Variants in SOX5 observed in about 807,000 individuals in gnomAD.
The protein encoded by SOX5 is transcription factor SOX-5.
In SOX5, 9 loss-of-function variants were observed where a neutral mutation model predicts 92.0. The observed-to-expected ratio is 0.10, with a 90% CI of 0.06 to 0.17. The LOEUF is 0.17. SOX5 is among the 10% of genes least tolerant of loss of function. The pLI, the probability that SOX5 is intolerant of heterozygous loss-of-function variation, is 1.00. For synonymous variants in SOX5, 344 were observed against 336.3 expected, an observed-to-expected ratio of 1.02 and a Z score of -0.25; for missense variants, 642 against 944.5, an observed-to-expected ratio of 0.68 and a Z score of 4.20.
chr12:23,603,467 T>TA (rs1566226312), intron 9 of SOX5, among the ~76,000 whole-genome samples: 2 of 92,050 alleles, frequency 2.2e-5, no homozygotes, highest in East Asian at 7.6e-4. Context: ...TATATATATA[T>TA]TTTGCTGGTA....
chr12:23,825,224 A>T lies in SOX5; in HGVS notation c.481+20759T>A, dbSNP rs1215578408. ...AACCCAGGGCCCTGGTGGTATAGGC[A>T]CCCAAGGGAATCTCCTGGTCTGCAG... On this transcript the variant is annotated intron_variant, in intron 3 of 14. Transcript: ENST00000451604. Among the ~76,000 whole-genome samples the T allele has an allele frequency of 2.6e-5, 4 of 152,108 alleles. No homozygotes were observed. In the East Asian group the frequency reaches 7.7e-4, roughly 29 times the overall value.
At chr12:23,745,832 T>C (rs943528440) in intron 4 of SOX5, among the ~76,000 whole-genome samples, 1 of 152,154 alleles carries the variant, frequency 6.6e-6, no homozygotes, top group African/African-American at 2.4e-5. Flanking sequence ...CACATTTTTC[T>C]CCCAAAGTCA....
At chr12:24,014,144 A>T (rs1208503487) in intron 4 of SOX5, among the ~76,000 whole-genome samples, 1 of 152,190 alleles carries the variant, frequency 6.6e-6, no homozygotes, top group Non-Finnish European at 1.5e-5. Flanking sequence ...TGATGAGGAG[A>T]TGAAGCATGG....
At chr12:24,312,263 C>T (rs1949256852) in intron 2 of SOX5, among the ~76,000 whole-genome samples, 2 of 152,134 alleles carry the variant, frequency 1.3e-5, no homozygotes, top group Admixed American at 1.3e-4. Flanking sequence ...TCACCTAGCT[C>T]CCCTCTCAAA....
intron 6 of SOX5, among the ~76,000 whole-genome samples, chr12:23,709,809 C>T (rs145958236): frequency 6.4e-4 from 97 of 152,224 alleles, no homozygotes; most frequent in Middle Eastern, 3.4e-3. Context: ...CTAGTATCAA[C>T]GTAACTTTGA....
chr12:23,982,873 T>G (rs1448191183), intron 4 of SOX5, among the ~76,000 whole-genome samples: 1 of 152,168 alleles, frequency 6.6e-6, no homozygotes, highest in Non-Finnish European at 1.5e-5. Context: ...CACATCTCAA[T>G]TTGGACTAGC....
At chr12:23,628,513 C>T (rs2078125922) in intron 8 of SOX5, among the ~76,000 whole-genome samples, 1 of 152,042 alleles carries the variant, frequency 6.6e-6, no homozygotes, top group African/African-American at 2.4e-5. Context: ...TTGTAATTTT[C>T]ATGTTAGAGG....
chr12:23,909,798 T>C (rs1205187777), intron 1 of SOX5, among the ~76,000 whole-genome samples: 1 of 150,924 alleles, frequency 6.6e-6, no homozygotes, highest in African/African-American at 2.4e-5. Flanking sequence ...ATTGCTGTTT[T>C]CTTTTTTTTT....
rs543791892 is a variant in SOX5, at chr12:23,542,191, G to A, written c.1771+1020C>T. On this transcript the variant is annotated intron_variant, in intron 13 of 14. Coordinates refer to ENST00000451604, the MANE Select transcript of SOX5 (RefSeq NM_006940.6). ...AAGTGATACTATTTTTATAAACTCC[G>A]TGTAATTCCAAGTGCCTTACGAATT... Among the ~76,000 whole-genome samples, 45 of 152,288 alleles carry A rather than the reference G, an allele frequency of 3.0e-4. No individual in the cohort carries two copies. The South Asian group carries it at 5.2e-3, about 18-fold the overall frequency.
At chr12:23,574,242 C>A (rs77063194) in intron 10 of SOX5, among the ~76,000 whole-genome samples, 206 of 152,224 alleles carry the variant, frequency 1.4e-3, no homozygotes, top group East Asian at 0.011. Context: ...AGTTCAACCA[C>A]CTCATCATGG....
At chr12:24,335,972 C>CATATATATATATATATCT (rs1951833048) in intron 2 of SOX5, among the ~76,000 whole-genome samples, 1 of 58,612 alleles carries the variant, frequency 1.7e-5, no homozygotes. Context: ...GAAATGCTAT[C>CATATATATATATATATCT]ATATATATAT....
intron 7 of SOX5, among the ~76,000 whole-genome samples, chr12:23,652,663 A>C (rs1217937581): frequency 1.3e-5 from 2 of 151,992 alleles, no homozygotes; most frequent in Non-Finnish European, 2.9e-5. Context: ...TCAGTCACCC[A>C]GACTACAAAT....
chr12:24,114,405 C>T lies in SOX5; in HGVS notation c.-2+98938G>A, dbSNP rs541922556. Reference sequence around the variant, plus strand: ...CAGCCTGGACAACATGGTGAAACCCCATCTCTTCAAAAAATACAAAAATTA... The same window carrying T: ...CAGCCTGGACAACATGGTGAAACCCTATCTCTTCAAAAAATACAAAAATTA... On this transcript the variant is annotated intron_variant, in intron 4 of 4. Transcript: ENST00000446891. 4.6e-5 allele frequency among the ~76,000 whole-genome samples: 7 copies of T among 151,026 alleles called. No homozygotes were observed. In the South Asian group the frequency reaches 1.1e-3, roughly 23 times the overall value.
intron 3 of SOX5, among the ~76,000 whole-genome samples, chr12:23,770,125 T>C (rs975692823): frequency 3.3e-5 from 5 of 151,436 alleles, no homozygotes; most frequent in African/African-American, 1.2e-4. Flanking sequence ...ACAATTTGCT[T>C]CATTTTCCTT....
At chr12:24,290,145 C>T (rs373555507) in intron 2 of SOX5, among the ~76,000 whole-genome samples, 1 of 152,296 alleles carries the variant, frequency 6.6e-6, no homozygotes, top group East Asian at 1.9e-4. Context: ...AAATCTCAGA[C>T]CCTTCACAGT....
intron 2 of SOX5, among the ~76,000 whole-genome samples, chr12:23,874,719 G>A (rs1407818966): frequency 6.6e-6 from 1 of 152,144 alleles, no homozygotes; most frequent in Non-Finnish European, 1.5e-5. Flanking sequence ...AATCTACTGA[G>A]TACAAATATA....
chr12:23,973,904 C>T (rs1330952536), intron 4 of SOX5, among the ~76,000 whole-genome samples: 3 of 152,138 alleles, frequency 2.0e-5, no homozygotes, highest in Non-Finnish European at 4.4e-5. Flanking sequence ...CTTGATAATC[C>T]GAGTGGAACA....
At chr12:23,673,329 T>C (rs1210124767) in intron 6 of SOX5, among the ~76,000 whole-genome samples, 1 of 152,148 alleles carries the variant, frequency 6.6e-6, no homozygotes, top group South Asian at 2.1e-4. Context: ...TCTACTTGTT[T>C]CCTAAAGCGT....
At chr12:23,578,146 A>AAAAAAC (rs1565984217) in intron 9 of SOX5, among the ~76,000 whole-genome samples, 1 of 137,320 alleles carries the variant, frequency 7.3e-6, no homozygotes, top group African/African-American at 2.6e-5. Flanking sequence ...AAAAAAAAAA[A>AAAAAAC]AAAACTATAG....
Sources: gnomAD v4.1 joint callset for allele counts (sites outside exome capture counted in the v4.1 genomes callset) on GRCh38, gnomAD v4.1.1 for gene constraint, MANE v1.5 for transcripts, NCBI Gene and HGNC (gene_info 2026-07-23, HGNC 2026-07-21) for gene names.